Variants in CCSER1 observed in about 807,000 individuals in gnomAD.
The protein encoded by CCSER1 is coiled-coil serine rich protein 1.
In CCSER1, 41 loss-of-function variants were observed where a neutral mutation model predicts 82.0. That is an observed-to-expected ratio of 0.50 (90% CI 0.39 to 0.65). The LOEUF (loss-of-function observed/expected upper bound fraction) is 0.65, where lower values mean the gene tolerates loss of function less well. CCSER1 is among the 30% of genes least tolerant of loss of function. The pLI is 0.00. For synonymous variants in CCSER1, 414 were observed against 383.9 expected (o/e 1.08, Z -0.92); for missense variants, 1,119 against 1,064.2 (o/e 1.05, Z -0.72).
intron 10 of CCSER1, among the ~76,000 whole-genome samples, chr4:91,102,296 C>T (rs1045845579): frequency 2.6e-5 from 4 of 151,938 alleles, no homozygotes; most frequent in Non-Finnish European, 4.4e-5. Context: ...TGTTAAAATC[C>T]AGGCTGGGTT....
At chr4:91,002,453 A>G (rs930808256) in intron 9 of CCSER1, among the ~76,000 whole-genome samples, 3 of 151,896 alleles carry the variant, frequency 2.0e-5, no homozygotes, top group African/African-American at 7.3e-5. Flanking sequence ...ATTTTTTCTT[A>G]TTCTTTTTTC....
intron 6 of CCSER1, among the ~76,000 whole-genome samples, chr4:90,661,739 A>G (rs1343761856): frequency 4.6e-5 from 7 of 152,280 alleles, no homozygotes; most frequent in East Asian, 1.9e-4. Context: ...ACTGAAAACT[A>G]TAAAAATGCA....
At chr4:90,901,019 A>G (rs1724561324) in intron 8 of CCSER1, among the ~76,000 whole-genome samples, 1 of 151,942 alleles carries the variant, frequency 6.6e-6, no homozygotes, top group African/African-American at 2.4e-5. Flanking sequence ...AAATTGAATC[A>G]TTTAGCATCA....
chr4:91,530,525 TA>T (rs900106768), intron 10 of CCSER1, among the ~76,000 whole-genome samples: 1 of 152,140 alleles, frequency 6.6e-6, no homozygotes, highest in African/African-American at 2.4e-5. Context: ...ATAAAAATAT[TA>T]AAAATTATGT....
chr4:90,486,391 C>T (rs1408418559), intron 5 of CCSER1, among the ~76,000 whole-genome samples: 2 of 152,210 alleles, frequency 1.3e-5, no homozygotes, highest in Middle Eastern at 3.2e-3. Context: ...CAGGACCCTT[C>T]TTCACTTTTC....
intron 1 of CCSER1, among the ~76,000 whole-genome samples, chr4:90,277,070 A>G (rs1192844207): frequency 6.6e-6 from 1 of 151,450 alleles, no homozygotes; most frequent in African/African-American, 2.4e-5. Flanking sequence ...ACTTATTTGG[A>G]TGCCTTTTTT....
chr4:91,202,587 G>A (rs1159656922), intron 10 of CCSER1, among the ~76,000 whole-genome samples: 1 of 151,988 alleles, frequency 6.6e-6, no homozygotes, highest in Non-Finnish European at 1.5e-5. Context: ...TTATGTTGTT[G>A]TTAAAGAATA....
chr4:91,042,696 T>G (rs1012874382), intron 9 of CCSER1, among the ~76,000 whole-genome samples: 5 of 152,294 alleles, frequency 3.3e-5, no homozygotes, highest in South Asian at 2.1e-4. Flanking sequence ...TCTCAGGAAT[T>G]TTTTGTTGAT....
intron 9 of CCSER1, among the ~76,000 whole-genome samples, chr4:91,036,306 A>G (rs973627250): frequency 1.3e-5 from 2 of 152,196 alleles, no homozygotes; most frequent in African/African-American, 4.8e-5. Flanking sequence ...GATTGTTTCA[A>G]AATTAATTTG....
At chr4:90,479,947 G>A (rs1046230380) in intron 5 of CCSER1, among the ~76,000 whole-genome samples, 5 of 152,122 alleles carry the variant, frequency 3.3e-5, no homozygotes, top group Non-Finnish European at 5.9e-5. Flanking sequence ...CTGAAGAATC[G>A]CCACACCAAT....
At chr4:90,835,146 A>G (rs767660370) in intron 8 of CCSER1, among the ~76,000 whole-genome samples, 10 of 152,008 alleles carry the variant, frequency 6.6e-5, no homozygotes, top group Admixed American at 2.0e-4. Context: ...CCTGGCTAAC[A>G]CGGTGAAACG....
At chr4:90,733,691 G>C (rs75346655) in intron 7 of CCSER1, among the ~76,000 whole-genome samples, 1,659 of 152,190 alleles carry the variant, frequency 0.011, 37 homozygotes, top group African/African-American at 0.038. Context: ...ATTTTGACTT[G>C]ATATTTTGTA....
At chr4:90,985,079 C>T (rs1002577845) in intron 9 of CCSER1, among the ~76,000 whole-genome samples, 1 of 151,682 alleles carries the variant, frequency 6.6e-6, no homozygotes, top group Non-Finnish European at 1.5e-5. Flanking sequence ...TAGCTTTCAA[C>T]CTCTCTCTGT....
chr4:91,245,182 G>T (rs1199156660), intron 10 of CCSER1, among the ~76,000 whole-genome samples: 2 of 152,066 alleles, frequency 1.3e-5, no homozygotes, highest in East Asian at 1.9e-4. Context: ...AAGAGTAATT[G>T]GTTTTAAAGA....
At chr4:90,478,731 C>CTTTTTTTTTTTTT (rs59376887) in intron 5 of CCSER1, among the ~76,000 whole-genome samples, 15 of 133,214 alleles carry the variant, frequency 1.1e-4, no homozygotes, top group Non-Finnish European at 1.8e-4. Flanking sequence ...TTCTTTCTTT[C>CTTTTTTTTTTTTT]TTTTTTTTTT....
chr4:90,576,289 G>A (rs1233374313), intron 5 of CCSER1, among the ~76,000 whole-genome samples: 1 of 152,036 alleles, frequency 6.6e-6, no homozygotes, highest in African/African-American at 2.4e-5. Flanking sequence ...AAGCACCTCT[G>A]TTCCCACCTA....
chr4:90,409,078 GA>G (rs1369964360), intron 4 of CCSER1, among the ~76,000 whole-genome samples: 1 of 152,052 alleles, frequency 6.6e-6, no homozygotes, highest in Non-Finnish European at 1.5e-5. Flanking sequence ...GAAGTTTAGA[GA>G]AAAAAGAATA....
chr4:91,244,066 A>G (rs1042441050), intron 10 of CCSER1, among the ~76,000 whole-genome samples: 2 of 152,176 alleles, frequency 1.3e-5, no homozygotes, highest in African/African-American at 2.4e-5. Flanking sequence ...ACATGGCTGC[A>G]TTCACCGCAA....
chr4:90,619,576 A>G (rs572375732), intron 5 of CCSER1, among the ~76,000 whole-genome samples: 7 of 152,228 alleles, frequency 4.6e-5, no homozygotes, highest in African/African-American at 1.4e-4. Context: ...TTCCATCTAT[A>G]TGAAATGTCT....
Sources: gnomAD v4.1 joint callset for allele counts (sites outside exome capture counted in the v4.1 genomes callset) on GRCh38, gnomAD v4.1.1 for gene constraint, MANE v1.5 for transcripts, NCBI Gene and HGNC (gene_info 2026-07-23, HGNC 2026-07-21) for gene names.